The following USP54 variants were observed in gnomAD, a reference collection of about 807,000 sequenced individuals.
The protein encoded by USP54 is ubiquitin specific peptidase 54, also known as ubiquitin carboxyl-terminal hydrolase 54.
In USP54, 87 loss-of-function variants were observed where a neutral mutation model predicts 170.5. The observed-to-expected ratio is 0.51, with a 90% CI of 0.43 to 0.61. USP54 has a LOEUF of 0.61. Among genes scored for constraint, USP54 ranks in the 20% least tolerant of loss-of-function variants. The pLI is 0.00. For synonymous variants in USP54, 655 were observed against 742.8 expected, an observed-to-expected ratio of 0.88 and a Z score of 1.92; for missense variants, 1,786 against 2,047.8, an observed-to-expected ratio of 0.87 and a Z score of 2.47.
At chr10:73,573,442 T>G (rs929943277) in intron 3 of USP54, among the ~76,000 whole-genome samples, 26 of 152,224 alleles carry the variant, frequency 1.7e-4, no homozygotes, top group African/African-American at 6.0e-4. Flanking sequence ...CATAATTTTT[T>G]TTTATTGTTT....
chr10:73,526,310 C>T (rs963308126), intron 16 of USP54, among the ~76,000 whole-genome samples: 1 of 152,066 alleles, frequency 6.6e-6, no homozygotes, highest in Non-Finnish European at 1.5e-5. Flanking sequence ...TGCAGTGGCA[C>T]GATCTTGGCT....
At position 73,520,966 on chromosome 10, in the gene USP54, T is replaced by C. The variant is rs2133319031; in HGVS notation, c.2424A>G (p.Leu808=). ...QEAESVFEES[L]HLEQKGDCAA... is the part of the protein sequence containing the mutation. ...CACAGTCTCCTTTCTGTTCCAGATG[T>C]AGTGACTCTTCAAACACTGACTCTG... The change falls in exon 18 of 24, where the codon CTA becomes CTG. Residue 808 remains leucine (L), a synonymous_variant. Transcript: ENST00000687698. 6.2e-7 allele frequency: 1 copy of C among 1,614,208 alleles called. No individual in the cohort carries two copies. The highest frequency in any genetic ancestry group is 8.5e-7 in the Non-Finnish European group (1 of 1,180,040).
At position 73,620,872 on chromosome 10, in the gene USP54, C is replaced by T. The variant is rs2081036255; in HGVS notation, c.-18+4695G>A. 1.3e-5 allele frequency among the ~76,000 whole-genome samples: 2 copies of T among 149,116 alleles called. 1 individual carries two copies. Among genetic ancestry groups the T allele is most frequent in the African/African-American group, 5.1e-5 (2 of 39,178 alleles). ...AGAGCAAAACTCTGTCTCAAACAAA[C>T]AGGTCGGATGCGGTGGCTCACCACT... On this transcript the variant is annotated intron_variant, in intron 1 of 22. Coordinates refer to the USP54 transcript ENST00000339859.
chr10:73,532,819 A>G (rs2064307056), intron 12 of USP54, among the ~76,000 whole-genome samples: 1 of 151,232 alleles, frequency 6.6e-6, no homozygotes, highest in Non-Finnish European at 1.5e-5. Context: ...AATTGCAAGG[A>G]AAAAAAATAG....
intron 1 of USP54, among the ~76,000 whole-genome samples, chr10:73,609,661 T>A (rs886921612): frequency 3.3e-5 from 5 of 152,064 alleles, no homozygotes; most frequent in African/African-American, 9.6e-5. Context: ...CTGGCCAACA[T>A]GGTGAAACCC....
At chr10:73,505,148 C>T (rs2058882996) in intron 21 of USP54, 158 bp from the exon 22 acceptor site, 1 of 1,269,350 alleles carries the variant, frequency 7.9e-7, no homozygotes, top group Non-Finnish European at 1.1e-6. Context: ...ATGTAACAAT[C>T]TCCTCTAATT....
chr10:73,537,752 T>TAAAAAAAA (rs11285755), intron 10 of USP54: 1 of 129,984 alleles, frequency 7.7e-6, no homozygotes. Context: ...ACACACACAT[T>TAAAAAAAA]AAAAAAAAAA....
intron 4 of USP54, among the ~76,000 whole-genome samples, chr10:73,561,182 G>A (rs907944215): frequency 1.3e-5 from 2 of 149,502 alleles, no homozygotes; most frequent in African/African-American, 2.5e-5. Context: ...CAGAAAAGTA[G>A]AGTGTTTATA....
chr10:73,538,108 G>A (rs550902748), intron 10 of USP54: 2 of 152,226 alleles, frequency 1.3e-5, no homozygotes, highest in African/African-American at 4.8e-5. Flanking sequence ...GGGAGGCTGA[G>A]GCACGAGAAT....
At chr10:73,530,574 T>C in intron 13 of USP54, 51 bp from the exon 14 acceptor site, 2 of 1,570,256 alleles carry the variant, frequency 1.3e-6, no homozygotes, top group South Asian at 1.2e-5. Context: ...TGATCATGGA[T>C]ACTAGACCCC....
intron 1 of USP54, among the ~76,000 whole-genome samples, chr10:73,578,536 C>T (rs1191614029): frequency 3.3e-5 from 5 of 152,144 alleles, no homozygotes; most frequent in African/African-American, 9.7e-5. Context: ...CTCAGCCTCC[C>T]GAGTAGCTGG....
At chr10:73,612,208 T>TA (rs1189755852) in intron 1 of USP54, among the ~76,000 whole-genome samples, 1 of 152,230 alleles carries the variant, frequency 6.6e-6, no homozygotes. Context: ...TGAGGATTTT[T>TA]AATCTGATCA....
chr10:73,579,793 C>T (rs1239900456), intron 1 of USP54, among the ~76,000 whole-genome samples: 1 of 151,864 alleles, frequency 6.6e-6, no homozygotes, highest in Non-Finnish European at 1.5e-5. Context: ...AAAAAACTAC[C>T]CAATTTTGTT....
Position 73,517,261 on chromosome 10 carries a change from A to G in USP54, c.3165T>C (p.Cys1055=). 1 of 1,614,122 alleles carries G rather than the reference A, an allele frequency of 6.2e-7. No individual in the cohort carries two copies. Among genetic ancestry groups the G allele is most frequent in the Non-Finnish European group, 8.5e-7 (1 of 1,179,956 alleles). ...GCTGAGCTGATGAATTTGAAGGACT[A>G]CAGCCTAGGCTGTGTTCATCACCCC... ...SERGDEHSLG[C]SPSNSSAQPS... Residue 1055 remains cysteine (C), a synonymous_variant, in exon 20 of 24, where the codon TGT becomes TGC. Coordinates refer to ENST00000687698, the MANE Select transcript of USP54 (RefSeq NM_001391956.1).
intron 12 of USP54, among the ~76,000 whole-genome samples, chr10:73,531,981 T>C (rs2064078134): frequency 6.6e-6 from 1 of 152,170 alleles, no homozygotes; most frequent in African/African-American, 2.4e-5. Flanking sequence ...CATGGAGAGC[T>C]AACAAAAATT....
At chr10:73,519,623 G>A in intron 19 of USP54, 174 bp downstream of exon 19, 1 of 957,668 alleles carries the variant, frequency 1.0e-6, no homozygotes, top group Middle Eastern at 3.4e-4. Flanking sequence ...ATTAAGATAA[G>A]GACCAGCAGT....
At chr10:73,533,421 C>A (rs2064477147) in intron 12 of USP54, among the ~76,000 whole-genome samples, 1 of 151,832 alleles carries the variant, frequency 6.6e-6, no homozygotes, top group Non-Finnish European at 1.5e-5. Context: ...CAAAATAATC[C>A]AGGAGTGGGT....
rs1046843250 is a variant in USP54 at position 73,615,118 on chromosome 10, C to G, written c.-18+10449G>C. The stretch of plus-strand genomic sequence containing the variant: ...CTGTAATCCCGTCACTTTAGGAGGC[C>G]AAGGCAGCAGATCAGTTGAGGCCAG... On this transcript the variant is annotated intron_variant, in intron 1 of 22. Transcript: ENST00000339859. 1.3e-5 allele frequency: 2 copies of G among 150,096 alleles called. 1 individual carries two copies. The highest frequency in any genetic ancestry group is 5.1e-5 in the African/African-American group (2 of 39,578). The allele number at this position is 150,096 out of a possible 1,614,324, so 9.3% of individuals were successfully genotyped here.
intron 16 of USP54, among the ~76,000 whole-genome samples, chr10:73,525,178 A>G (rs542833817): frequency 6.6e-6 from 1 of 152,322 alleles, no homozygotes; most frequent in South Asian, 2.1e-4. Context: ...TAAGCATAGA[A>G]AAAGACAGAA....
Sources: gnomAD v4.1 joint callset for allele counts (sites outside exome capture counted in the v4.1 genomes callset) on GRCh38, gnomAD v4.1.1 for gene constraint, MANE v1.5 for transcripts, NCBI Gene and HGNC (gene_info 2026-07-23, HGNC 2026-07-21) for gene names.